RBFOX1: variants seen among roughly 807,000 people sequenced by gnomAD.
RBFOX1 encodes the protein RNA binding protein fox-1 homolog 1.
RBFOX1 carries 8 observed loss-of-function variants against 57.7 expected under a neutral mutation model. That is an observed-to-expected ratio of 0.14 (90% CI 0.08 to 0.25). The LOEUF (loss-of-function observed/expected upper bound fraction) is 0.25. Among genes scored for constraint, RBFOX1 ranks in the 10% least tolerant of loss-of-function variants. RBFOX1 has a pLI of 1.00. For missense variants in RBFOX1, 611 were observed against 548.5 expected, an observed-to-expected ratio of 1.11 and a Z score of -1.14; for synonymous variants, 326 against 222.4, an observed-to-expected ratio of 1.47 and a Z score of -4.15.
chr16:6,514,413 G>A (rs1367449260), intron 2 of RBFOX1, among the ~76,000 whole-genome samples: 1 of 152,164 alleles, frequency 6.6e-6, no homozygotes, highest in Non-Finnish European at 1.5e-5. Context: ...ATGAATTGAT[G>A]CTATGCTCCT....
chr16:6,901,176 A>G (rs1490804411), intron 3 of RBFOX1, among the ~76,000 whole-genome samples: 1 of 152,174 alleles, frequency 6.6e-6, no homozygotes, highest in Non-Finnish European at 1.5e-5. Context: ...AGTGTCTAAC[A>G]TAGGTATTCA....
At chr16:5,985,533 C>T (rs1446620943) in intron 4 of RBFOX1, among the ~76,000 whole-genome samples, 4 of 152,116 alleles carry the variant, frequency 2.6e-5, no homozygotes, top group African/African-American at 9.7e-5. Context: ...TACTTTTGCA[C>T]CCATCTAATA....
intron 3 of RBFOX1, among the ~76,000 whole-genome samples, chr16:7,008,041 C>G (rs898808869): frequency 1.3e-5 from 2 of 152,262 alleles, no homozygotes; most frequent in Non-Finnish European, 2.9e-5. Flanking sequence ...TTAGCATTAT[C>G]TATATTCAGT....
At chr16:7,265,049 G>A (rs1056380341) in intron 4 of RBFOX1, among the ~76,000 whole-genome samples, 1 of 152,182 alleles carries the variant, frequency 6.6e-6, no homozygotes, top group South Asian at 2.1e-4. Context: ...CATTCTTTTT[G>A]TCTTGAAATG....
intron 2 of RBFOX1, among the ~76,000 whole-genome samples, chr16:6,435,045 A>T (rs1289407576): frequency 6.6e-6 from 1 of 152,194 alleles, no homozygotes; most frequent in Non-Finnish European, 1.5e-5. Flanking sequence ...TCCAGCCCAC[A>T]TTCCTCATTA....
At chr16:5,828,938 C>T (rs1197739935) in intron 3 of RBFOX1, among the ~76,000 whole-genome samples, 1 of 152,172 alleles carries the variant, frequency 6.6e-6, no homozygotes, top group Non-Finnish European at 1.5e-5. Context: ...GTCAGGAATC[C>T]AGACACAGCT....
At chr16:6,646,499 G>T (rs2098536139) in intron 2 of RBFOX1, among the ~76,000 whole-genome samples, 1 of 151,962 alleles carries the variant, frequency 6.6e-6, no homozygotes, top group Non-Finnish European at 1.5e-5. Context: ...CAGATTAAGA[G>T]CAAAAATCTG....
chr16:6,357,193 C>A (rs376050053), intron 2 of RBFOX1, among the ~76,000 whole-genome samples: 1 of 152,040 alleles, frequency 6.6e-6, no homozygotes, highest in Non-Finnish European at 1.5e-5. Context: ...CTGCTTTGCA[C>A]GCTATTGTAC....
Position 7,601,280 on chromosome 16 carries a change from G to T in RBFOX1, c.622+3849G>T, listed in dbSNP as rs935331363. 7.2e-5 allele frequency among the ~76,000 whole-genome samples: 11 copies of T among 152,162 alleles called. No individual in the cohort carries two copies. In the East Asian group the frequency reaches 1.9e-3, roughly 27 times the overall value. ...GCTCTCTAGTGGGAACTGTACAAAT[G>T]ATGGGAACTACATCACAGTTCTTTG... On this transcript the variant is annotated intron_variant, in intron 9 of 15. Coordinates refer to ENST00000550418, the MANE Select transcript of RBFOX1 (RefSeq NM_018723.4).
intron 3 of RBFOX1, among the ~76,000 whole-genome samples, chr16:6,674,409 C>T (rs181927010): frequency 4.6e-5 from 7 of 152,110 alleles, no homozygotes; most frequent in Admixed American, 4.6e-4. Context: ...TCAACCTCCG[C>T]CTCCTGGGTT....
At chr16:6,248,641 G>C (rs559193272) in intron 1 of RBFOX1, among the ~76,000 whole-genome samples, 8 of 152,150 alleles carry the variant, frequency 5.3e-5, no homozygotes, top group African/African-American at 1.4e-4. Flanking sequence ...ATACACTTTG[G>C]GGGGAGGTAT....
chr16:5,476,533 A>G (rs1445636227), intron 2 of RBFOX1, among the ~76,000 whole-genome samples: 1 of 152,226 alleles, frequency 6.6e-6, no homozygotes, highest in Non-Finnish European at 1.5e-5. Context: ...AACTGCCTCA[A>G]TTTGAAGCTC....
chr16:5,721,944 G>C lies in RBFOX1; in HGVS notation c.318+122983G>C, dbSNP rs142487461. Among the ~76,000 whole-genome samples the C allele has an allele frequency of 1.4e-3, 216 of 152,314 alleles. 1 individual carries two copies. Among genetic ancestry groups the C allele is most frequent in the African/African-American group, 4.9e-3 (204 of 41,558 alleles). On this transcript the variant is annotated intron_variant, in intron 3 of 19. Transcript: ENST00000641259. ...ATTTTATGCTCCTTTATTGAGGGGA[G>C]AAAGCTACCTGGAAGGTCTTGACAG...
chr16:6,860,095 T>C (rs2058730971), intron 3 of RBFOX1, among the ~76,000 whole-genome samples: 1 of 152,176 alleles, frequency 6.6e-6, no homozygotes, highest in African/African-American at 2.4e-5. Flanking sequence ...TGTGTACTAT[T>C]TTTCCTCTTC....
intron 4 of RBFOX1, among the ~76,000 whole-genome samples, chr16:7,449,017 C>T (rs1225353580): frequency 3.3e-5 from 5 of 149,992 alleles, no homozygotes; most frequent in Admixed American, 6.7e-5. Flanking sequence ...ACAACCTCCA[C>T]CTCCCGGGTT....
At chr16:7,280,173 G>T (rs1015235731) in intron 4 of RBFOX1, among the ~76,000 whole-genome samples, 4 of 152,202 alleles carry the variant, frequency 2.6e-5, no homozygotes, top group Non-Finnish European at 5.9e-5. Context: ...AGGAAAACAC[G>T]ATGTACACCT....
chr16:7,086,144 A>C (rs1393793002), intron 4 of RBFOX1, among the ~76,000 whole-genome samples: 1 of 152,162 alleles, frequency 6.6e-6, no homozygotes, highest in Non-Finnish European at 1.5e-5. Context: ...CCTATAGGCT[A>C]TTTTAACAGG....
chr16:5,269,961 C>T lies in RBFOX1; in HGVS notation c.219+29856C>T, dbSNP rs545260002. 1.2e-4 allele frequency among the ~76,000 whole-genome samples: 19 copies of T among 152,048 alleles called. No homozygotes were observed. The South Asian group carries it at 3.1e-3, about 25-fold the overall frequency. On this transcript the variant is annotated intron_variant, in intron 1 of 2. Transcript: ENST00000585867. ...CTTGAGGCCAGGAGTTCCAGGCCAGCGTTGGCAACATGGCAAGACCCTGTC... is the reference window on the plus strand; with the variant it reads ...CTTGAGGCCAGGAGTTCCAGGCCAGTGTTGGCAACATGGCAAGACCCTGTC...
intron 3 of RBFOX1, among the ~76,000 whole-genome samples, chr16:6,938,185 C>G (rs964152092): frequency 6.6e-6 from 1 of 152,114 alleles, no homozygotes; most frequent in South Asian, 2.1e-4. Context: ...ATTTACTTTC[C>G]TAGTGTAGAA....
Sources: gnomAD v4.1 joint callset for allele counts (sites outside exome capture counted in the v4.1 genomes callset) on GRCh38, gnomAD v4.1.1 for gene constraint, MANE v1.5 for transcripts, NCBI Gene and HGNC (gene_info 2026-07-23, HGNC 2026-07-21) for gene names.